The following SYNE1 variants were observed in gnomAD, a reference collection of about 807,000 sequenced individuals.
SYNE1 encodes spectrin repeat containing nuclear envelope protein 1.
Under a neutral mutation model 1,111.0 loss-of-function variants are expected in SYNE1, and 616 were observed. The observed-to-expected ratio is 0.55, with a 90% CI of 0.52 to 0.59. The LOEUF is 0.59. Ranked by LOEUF, SYNE1 falls within the 20% of genes least tolerant of loss-of-function variation. The pLI is 0.00. For missense variants in SYNE1, 10,006 were observed against 10,417.0 expected (o/e 0.96, Z 1.72); for synonymous variants, 3,855 against 3,825.8 (o/e 1.01, Z -0.28).
In SYNE1 at chr6:152,425,519, G is replaced by T. The variant is rs150702500; in HGVS notation, c.5129C>A (p.Ala1710Asp). The T allele has an allele frequency of 2.6e-4, 424 of 1,614,124 alleles. No homozygotes were observed. The highest frequency in any genetic ancestry group is 6.6e-4 in the Middle Eastern group (4 of 6,062). ...QALQNEVVSQ[A>D]SFYSKLLQLK... ...TTGCAAAAGTTTGCTATAGAATGAG[G>T]CCTGGGATACAACTTCATTTTGCAG... Residue 1710 changes from alanine (A) to aspartate (D), a missense_variant, in exon 39 of 146, where the codon GCC (alanine) becomes GAC (aspartate). Around this residue, in one of 7 missense-constraint regions of SYNE1, gnomAD observed 1,971 missense variants for 2,084.1 expected, o/e 0.95. Transcript: ENST00000367255.
chr6:152,633,655 G>T (rs1331278755), intron 2 of SYNE1, among the ~76,000 whole-genome samples: 2 of 123,296 alleles, frequency 1.6e-5, no homozygotes, highest in Non-Finnish European at 3.3e-5. Flanking sequence ...TAGGAATTTG[G>T]ACTACCTGCT....
chr6:152,206,733 C>T (rs1010424229), intron 125 of SYNE1, among the ~76,000 whole-genome samples: 5 of 152,092 alleles, frequency 3.3e-5, no homozygotes, highest in Non-Finnish European at 4.4e-5. Context: ...GGACCTGGTG[C>T]GGTGAGATGA....
chr6:152,421,239 ACC>A (rs1190974436), intron 39 of SYNE1, among the ~76,000 whole-genome samples: 3 of 152,214 alleles, frequency 2.0e-5, no homozygotes, highest in Non-Finnish European at 2.9e-5. Flanking sequence ...AAAGGAATTC[ACC>A]CAATTCATAC....
intron 40 of SYNE1, among the ~76,000 whole-genome samples, chr6:152,418,290 A>G (rs1563874236): frequency 6.6e-6 from 1 of 152,154 alleles, no homozygotes; most frequent in Non-Finnish European, 1.5e-5. Context: ...TTGAAATGTA[A>G]TCATCAGGGA....
chr6:152,482,195 G>C (rs1335656752), intron 14 of SYNE1, among the ~76,000 whole-genome samples: 1 of 152,090 alleles, frequency 6.6e-6, no homozygotes, highest in Non-Finnish European at 1.5e-5. Flanking sequence ...TCACATCTCT[G>C]TGTCTCTGTA....
intron 53 of SYNE1, among the ~76,000 whole-genome samples, chr6:152,388,504 G>A (rs536666708): frequency 2.2e-4 from 33 of 152,196 alleles, no homozygotes; most frequent in Non-Finnish European, 3.2e-4. Flanking sequence ...TTGCCCCGTT[G>A]CCCAGAGTAG....
At chr6:152,551,677 C>T (rs181545409) in intron 3 of SYNE1, among the ~76,000 whole-genome samples, 12 of 152,226 alleles carry the variant, frequency 7.9e-5, no homozygotes, top group African/African-American at 2.4e-4. Flanking sequence ...TTGTGGAAAA[C>T]ATGAAAGCCT....
At chr6:152,610,995 G>A (rs9397533) in intron 3 of SYNE1, among the ~76,000 whole-genome samples, 1 of 151,814 alleles carries the variant, frequency 6.6e-6, no homozygotes, top group South Asian at 2.1e-4. Flanking sequence ...CATGAAGGAA[G>A]CACTAAACAT....
chr6:152,353,686 G>T lies in SYNE1; in HGVS notation c.10985C>A (p.Ala3662Asp), dbSNP rs765322255. The change falls in exon 68 of 146, where the codon GCT (alanine) becomes GAT (aspartate). Residue 3662 changes from alanine to aspartate, a missense_variant. Ala to Asp is a moderately radical substitution (Grantham distance 126, BLOSUM62 -2). Transcript: ENST00000367255. The stretch of plus-strand genomic sequence containing the variant: ...GTGGCTCTCGTCCAGTATCTCCTGA[G>T]CTCTAGCTCCCACTTCCTCAACTTC... The part of the protein sequence containing the change: ...RDEVEEVGAR[A>D]QEILDESHVN... 2.5e-6 allele frequency: 4 copies of T among 1,614,024 alleles called. No individual in the cohort carries two copies. In the African/African-American group the frequency reaches 4.0e-5, roughly 16 times the overall value.
chr6:152,373,118 C>A lies in SYNE1; in HGVS notation c.9426G>T (p.Gly3142=). 1 of 1,614,070 alleles carries A rather than the reference C, an allele frequency of 6.2e-7. No individual in the cohort carries two copies. The change falls in exon 59 of 146, where the codon GGG becomes GGT. Residue 3142 remains glycine, a synonymous_variant. Transcript: ENST00000367255. ...STLLTKEKAK[G]IQAKVTAAKE... ...TTGCAGCTGTAACTTTGGCCTGGAT[C>A]CCTTTCGCTTTCTCTTTGGTCAGCA...
intron 4 of SYNE1, among the ~76,000 whole-genome samples, chr6:152,535,273 G>A (rs1178153913): frequency 2.0e-5 from 3 of 152,224 alleles, no homozygotes; most frequent in Non-Finnish European, 4.4e-5. Context: ...AAGCCACCCA[G>A]TATGTGGTAC....
At chr6:152,242,145 G>T in intron 107 of SYNE1, 95 bp downstream of exon 107, 1 of 1,230,814 alleles carries the variant, frequency 8.1e-7, no homozygotes, top group Non-Finnish European at 1.2e-6. Flanking sequence ...ACTCATAAAA[G>T]ACTGAGAATA....
intron 3 of SYNE1, among the ~76,000 whole-genome samples, chr6:152,556,419 T>G (rs905245992): frequency 2.0e-5 from 3 of 152,166 alleles, no homozygotes; most frequent in Non-Finnish European, 4.4e-5. Flanking sequence ...AGTTGGCCCC[T>G]TCAGACCGAG....
At chr6:152,515,233 A>C (rs1170263926) in intron 6 of SYNE1, among the ~76,000 whole-genome samples, 3 of 151,778 alleles carry the variant, frequency 2.0e-5, no homozygotes, top group Admixed American at 1.3e-4. Context: ...AAAAAAAAAA[A>C]GAAAAGAAAA....
At chr6:152,628,752 C>T (rs1261991908) in intron 2 of SYNE1, among the ~76,000 whole-genome samples, 198 bp from the exon 3 acceptor site, 1 of 152,072 alleles carries the variant, frequency 6.6e-6, no homozygotes, top group Non-Finnish European at 1.5e-5. Flanking sequence ...AAAATAAATA[C>T]ATAAATGAGA....
In SYNE1 at chr6:152,249,195, T is replaced by C; in HGVS notation, c.19538A>G (p.Asn6513Ser). 6.2e-7 allele frequency: 1 copy of C among 1,614,016 alleles called. No homozygotes were observed. The highest frequency in any genetic ancestry group is 8.5e-7 in the Non-Finnish European group (1 of 1,179,918). The change falls in exon 105 of 146, where the codon AAT (asparagine) becomes AGT (serine). Residue 6513 changes from asparagine to serine, a missense_variant. Physicochemically the swap from Asn to Ser is conservative, Grantham distance 46. Transcript: ENST00000367255. ...TTCTGCTACGGGCTGTTCAAACACATTTGCCAGTTTTTGCAGAATGATGTA... is the reference window on the plus strand; with the variant it reads ...TTCTGCTACGGGCTGTTCAAACACACTTGCCAGTTTTTGCAGAATGATGTA... ...NKYIILQKLA[N>S]VFEQPVAEQI...
intron 50 of SYNE1, among the ~76,000 whole-genome samples, chr6:152,396,527 C>T (rs553282878): frequency 1.4e-4 from 21 of 152,074 alleles, no homozygotes; most frequent in Middle Eastern, 3.4e-3. Context: ...AAATTATATG[C>T]ATTTATATAA....
At chr6:152,155,501 C>A in intron 132 of SYNE1, 1 of 323,404 alleles carries the variant, frequency 3.1e-6, no homozygotes, top group South Asian at 2.8e-5. Flanking sequence ...TACCAGAGAG[C>A]ACAGCCATGA....
chr6:152,584,593 G>A (rs993245959), intron 3 of SYNE1, among the ~76,000 whole-genome samples: 1 of 151,866 alleles, frequency 6.6e-6, no homozygotes, highest in South Asian at 2.1e-4. Flanking sequence ...TAGTAGAGAC[G>A]AGGTCTCGCT....
Sources: gnomAD v4.1 joint callset for allele counts (sites outside exome capture counted in the v4.1 genomes callset) on GRCh38, gnomAD v4.1.1 for gene constraint, gnomAD v4.1.1 regional missense constraint, MANE v1.5 for transcripts, NCBI Gene and HGNC (gene_info 2026-07-23, HGNC 2026-07-21) for gene names.